Variants in TMTC1 observed in about 807,000 individuals in gnomAD.
The protein encoded by TMTC1 is transmembrane O-mannosyltransferase targeting cadherins 1.
Under a neutral mutation model 104.8 loss-of-function variants are expected in TMTC1, and 73 were observed. The ratio of observed to expected loss-of-function variants is 0.70; its 90% CI spans 0.58 to 0.85. TMTC1 has a LOEUF of 0.85. Among genes scored for constraint, TMTC1 ranks in the 40% least tolerant of loss-of-function variants. TMTC1 has a pLI of 0.00. For missense variants in TMTC1, 1,035 were observed against 1,096.1 expected (o/e 0.94, Z 0.79); for synonymous variants, 434 against 428.7 (o/e 1.01, Z -0.15).
intron 5 of TMTC1, among the ~76,000 whole-genome samples, chr12:29,650,115 G>A (rs761555115): frequency 3.4e-5 from 5 of 146,302 alleles, no homozygotes; most frequent in Non-Finnish European, 4.5e-5. Context: ...GAGGAGTCTC[G>A]GTCTGTTGCC....
intron 5 of TMTC1, among the ~76,000 whole-genome samples, chr12:29,694,318 C>T (rs894441151): frequency 3.3e-5 from 5 of 152,170 alleles, no homozygotes; most frequent in African/African-American, 1.2e-4. Flanking sequence ...CCTCAGTGCG[C>T]TCAGAGTATT....
intron 7 of TMTC1, among the ~76,000 whole-genome samples, chr12:29,590,646 G>A (rs77562241): frequency 0.023 from 3,456 of 152,176 alleles, 112 homozygotes; most frequent in African/African-American, 0.064. Context: ...TTAGCTGGGC[G>A]TGGTGGTGCA....
chr12:29,637,070 C>T (rs1303210610), intron 5 of TMTC1, among the ~76,000 whole-genome samples: 20 of 123,992 alleles, frequency 1.6e-4, no homozygotes, highest in Admixed American at 7.8e-4. Flanking sequence ...CAAAATGAAA[C>T]GAAACAAAAT....
At chr12:29,542,201 G>A (rs746337220) in intron 10 of TMTC1, among the ~76,000 whole-genome samples, 2 of 152,036 alleles carry the variant, frequency 1.3e-5, no homozygotes, top group African/African-American at 4.8e-5. Flanking sequence ...TGTCCAATCA[G>A]GCACAGACAC....
chr12:29,536,381 G>T, intron 10 of TMTC1, 64 bp from the exon 11 acceptor site: 1 of 1,001,760 alleles, frequency 1.0e-6, no homozygotes, highest in Non-Finnish European at 1.5e-6. Flanking sequence ...TCAATCCTCT[G>T]ATTAGACTCT....
chr12:29,596,524 C>T (rs1946409537), intron 7 of TMTC1, among the ~76,000 whole-genome samples: 1 of 152,144 alleles, frequency 6.6e-6, no homozygotes, highest in African/African-American at 2.4e-5. Context: ...AATAAAAATA[C>T]ATTAACAAAT....
chr12:29,508,227 A>G (rs963775955), intron 17 of TMTC1, among the ~76,000 whole-genome samples: 11 of 152,250 alleles, frequency 7.2e-5, no homozygotes, highest in Admixed American at 4.6e-4. Flanking sequence ...AACAAAAGGA[A>G]GTATTAACAA....
At chr12:29,656,457 C>G (rs1412793145) in intron 5 of TMTC1, among the ~76,000 whole-genome samples, 1 of 150,800 alleles carries the variant, frequency 6.6e-6, no homozygotes, top group African/African-American at 2.4e-5. Flanking sequence ...CCAGTTCAAG[C>G]GATTCTCCTG....
intron 6 of TMTC1, among the ~76,000 whole-genome samples, chr12:29,611,992 C>T (rs1592321561): frequency 6.6e-6 from 1 of 152,164 alleles, no homozygotes; most frequent in African/African-American, 2.4e-5. Context: ...AAATTGAGGG[C>T]CAGAGAGCAT....
chr12:29,763,127 C>T (rs1031816879), intron 2 of TMTC1, among the ~76,000 whole-genome samples: 4 of 152,172 alleles, frequency 2.6e-5, no homozygotes, highest in Non-Finnish European at 5.9e-5. Context: ...GTGTTAAAGG[C>T]GTCCTGCAGC....
At position 29,586,605 on chromosome 12, in the gene TMTC1, T is replaced by C. The variant is rs560029844; in HGVS notation, c.1251-3031A>G. On this transcript the variant is annotated intron_variant, in intron 7 of 17. Coordinates refer to ENST00000539277, the MANE Select transcript of TMTC1 (RefSeq NM_001193451.2). Reference sequence around the variant, plus strand: ...ATAGCTCTTATTATTTTGAGATACATCCCATCAATACCTAATTTATTGAGA... The same window carrying C: ...ATAGCTCTTATTATTTTGAGATACACCCCATCAATACCTAATTTATTGAGA... 1.1e-4 allele frequency among the ~76,000 whole-genome samples: 17 copies of C among 152,176 alleles called. No homozygotes were observed. The East Asian group carries it at 3.3e-3, about 29-fold the overall frequency.
intron 5 of TMTC1, among the ~76,000 whole-genome samples, chr12:29,668,281 G>C (rs938945515): frequency 2.6e-5 from 4 of 152,038 alleles, no homozygotes; most frequent in African/African-American, 9.7e-5. Flanking sequence ...CTGCATCCTC[G>C]CATGGCAGAA....
chr12:29,586,949 TAA>T (rs1946152469), intron 7 of TMTC1, among the ~76,000 whole-genome samples: 1 of 152,182 alleles, frequency 6.6e-6, no homozygotes, highest in Admixed American at 6.5e-5. Context: ...GCTGGCCTCA[TAA>T]AATGAGTTAG....
intron 7 of TMTC1, among the ~76,000 whole-genome samples, chr12:29,600,095 T>C (rs137922013): frequency 6.8e-6 from 1 of 147,504 alleles, no homozygotes; most frequent in Non-Finnish European, 1.5e-5. Context: ...TGGAAGGAGA[T>C]TCATGAAGAT....
At chr12:29,520,052 T>G (rs557381416) in intron 12 of TMTC1, among the ~76,000 whole-genome samples, 1 of 152,252 alleles carries the variant, frequency 6.6e-6, no homozygotes, top group South Asian at 2.1e-4. Flanking sequence ...ACAGAGGCAC[T>G]ACATAAGTCA....
rs1250646254 is a variant in TMTC1, at chr12:29,505,290, T to C, written c.*1556A>G. Reference sequence around the variant, plus strand: ...ATGCGAATTATGTGAGCCTTTAGGCTACTATGTCTGTGTGCTACCTGGCTC... The same window carrying C: ...ATGCGAATTATGTGAGCCTTTAGGCCACTATGTCTGTGTGCTACCTGGCTC... On this transcript the variant is annotated 3_prime_UTR_variant, in exon 18 of 18. Transcript: ENST00000539277. 1 of 152,232 alleles carries C rather than the reference T, an allele frequency of 6.6e-6. No homozygotes were observed. Among genetic ancestry groups the C allele is most frequent in the Non-Finnish European group, 1.5e-5 (1 of 68,032 alleles). 9.4% of individuals were successfully genotyped at this position (152,232 alleles called of 1,614,324 possible).
chr12:29,629,182 G>A lies in TMTC1; in HGVS notation c.1128+3965C>T, dbSNP rs368636149. ...AAAAAATACAAAAAATTAGCCGGGC[G>A]TGGTGGCGGGCGCCTGTAGTCCCTG... On this transcript the variant is annotated intron_variant, in intron 6 of 17. Transcript: ENST00000539277. Among the ~76,000 whole-genome samples the A allele has an allele frequency of 2.0e-3, 304 of 151,916 alleles. 1 individual carries two copies. The highest frequency in any genetic ancestry group is 6.8e-3 in the African/African-American group (280 of 41,458).
At chr12:29,534,661 G>C (rs1052539590) in intron 11 of TMTC1, 1 of 152,164 alleles carries the variant, frequency 6.6e-6, no homozygotes, top group African/African-American at 2.4e-5. Flanking sequence ...TACAAAATTT[G>C]TTAATAGTAA....
chr12:29,556,814 G>A (rs1366756932), intron 10 of TMTC1, 43 bp downstream of exon 10: 1 of 1,611,276 alleles, frequency 6.2e-7, no homozygotes, highest in South Asian at 1.1e-5. Flanking sequence ...AGAGTTTCTT[G>A]GAATCGCAAG....
Sources: gnomAD v4.1 joint callset for allele counts (sites outside exome capture counted in the v4.1 genomes callset) on GRCh38, gnomAD v4.1.1 for gene constraint, MANE v1.5 for transcripts, NCBI Gene and HGNC (gene_info 2026-07-23, HGNC 2026-07-21) for gene names.